AKIRIN2: variants seen among roughly 807,000 people sequenced by gnomAD.
The protein encoded by AKIRIN2 is akirin-2.
In AKIRIN2, 6 loss-of-function variants were observed where a neutral mutation model predicts 29.3. The observed-to-expected ratio is 0.20, with a 90% CI of 0.11 to 0.40. The LOEUF (loss-of-function observed/expected upper bound fraction) is 0.40, where lower values mean the gene tolerates loss of function less well. AKIRIN2 is among the 10% of genes least tolerant of loss of function. The pLI is 1.00. For missense variants in AKIRIN2, 210 were observed against 276.1 expected, an observed-to-expected ratio of 0.76 and a Z score of 1.70; for synonymous variants, 128 against 117.5, an observed-to-expected ratio of 1.09 and a Z score of -0.58.
intron 1 of AKIRIN2, among the ~76,000 whole-genome samples, chr6:87,701,180 A>G (rs1013605751): frequency 1.3e-5 from 2 of 151,926 alleles, no homozygotes; most frequent in Non-Finnish European, 2.9e-5. Context: ...CGGCCCAAAG[A>G]AAAAGATGTC....
intron 1 of AKIRIN2, among the ~76,000 whole-genome samples, chr6:87,683,887 G>C (rs2128301491): frequency 6.6e-6 from 1 of 152,186 alleles, no homozygotes; most frequent in Admixed American, 6.5e-5. Flanking sequence ...CTTGACCTCA[G>C]GTGTTCCACC....
intron 1 of AKIRIN2, among the ~76,000 whole-genome samples, chr6:87,698,899 T>C (rs1771413260): frequency 2.0e-5 from 3 of 152,182 alleles, no homozygotes; most frequent in South Asian, 4.1e-4. Flanking sequence ...ACTTCAGCTA[T>C]GCCATCAGAA....
At position 87,701,748 on chromosome 6, in the gene AKIRIN2, T is replaced by A; in HGVS notation, c.-64A>T. ...GGGGACGGGTGACGAAAGAAGAGGG[T>A]GAGGGAAGGGGTGAAGAGCGGGAAC... On this transcript the variant is annotated 5_prime_UTR_variant, in exon 1 of 5. Transcript: ENST00000257787. 3 of 1,204,366 alleles carry A rather than the reference T, an allele frequency of 2.5e-6. No individual in the cohort carries two copies. The highest frequency in any genetic ancestry group is 3.3e-6 in the Non-Finnish European group (3 of 909,298). 74.6% of individuals were successfully genotyped at this position (1,204,366 alleles called of 1,614,324 possible). A position where few individuals can be genotyped will look rare whatever the true frequency, so the allele number is the denominator to read the frequency against.
intron 1 of AKIRIN2, among the ~76,000 whole-genome samples, chr6:87,694,206 G>A (rs1443479818): frequency 6.6e-6 from 1 of 152,120 alleles, no homozygotes; most frequent in Non-Finnish European, 1.5e-5. Context: ...ACCAAAGTGA[G>A]AATACACATC....
intron 2 of AKIRIN2, among the ~76,000 whole-genome samples, chr6:87,680,817 C>A (rs1326082772): frequency 1.4e-5 from 2 of 144,408 alleles, no homozygotes; most frequent in African/African-American, 2.6e-5. Context: ...GCAAACATTC[C>A]CCCCAACAAA....
chr6:87,691,561 G>A (rs923226999), intron 1 of AKIRIN2, among the ~76,000 whole-genome samples: 4 of 152,076 alleles, frequency 2.6e-5, no homozygotes, highest in African/African-American at 9.7e-5. Flanking sequence ...CTGAAGTCAG[G>A]AGCAGGCATG....
chr6:87,684,298 G>A (rs1246304718), intron 1 of AKIRIN2, among the ~76,000 whole-genome samples: 1 of 151,826 alleles, frequency 6.6e-6, no homozygotes, highest in Non-Finnish European at 1.5e-5. Context: ...ATTAAGAAAC[G>A]GTAAAACTTT....
At chr6:87,684,321 C>T (rs967538446) in intron 1 of AKIRIN2, among the ~76,000 whole-genome samples, 10 of 152,120 alleles carry the variant, frequency 6.6e-5, no homozygotes, top group African/African-American at 2.4e-4. Context: ...AAAATTTTAT[C>T]TTTGTAAAAC....
intron 1 of AKIRIN2, among the ~76,000 whole-genome samples, chr6:87,688,952 A>G (rs758266772): frequency 2.0e-5 from 3 of 152,236 alleles, no homozygotes; most frequent in Non-Finnish European, 4.4e-5. Context: ...TTTACTTCAA[A>G]TAAGTAGCAC....
At chr6:87,692,582 T>C (rs970386619) in intron 1 of AKIRIN2, among the ~76,000 whole-genome samples, 1 of 151,972 alleles carries the variant, frequency 6.6e-6, no homozygotes, top group Non-Finnish European at 1.5e-5. Context: ...GAGACAGAGG[T>C]GGGCAGATCA....
intron 1 of AKIRIN2, among the ~76,000 whole-genome samples, chr6:87,695,404 A>T (rs1482387614): frequency 6.6e-6 from 1 of 152,178 alleles, no homozygotes; most frequent in Non-Finnish European, 1.5e-5. Context: ...ATTTTTTTCC[A>T]ACCATAGCAA....
chr6:87,677,705 C>T, intron 3 of AKIRIN2, 113 bp downstream of exon 3: 3 of 1,291,816 alleles, frequency 2.3e-6, no homozygotes, highest in Non-Finnish European at 3.2e-6. Context: ...GAAATTTTCT[C>T]ATTCTCAGAG....
At chr6:87,688,822 T>C (rs563803835) in intron 1 of AKIRIN2, among the ~76,000 whole-genome samples, 118 of 152,298 alleles carry the variant, frequency 7.7e-4, no homozygotes, top group African/African-American at 2.8e-3. Context: ...AAACCCAACA[T>C]GTGCATGCTA....
intron 1 of AKIRIN2, among the ~76,000 whole-genome samples, chr6:87,691,470 A>C (rs1483636211): frequency 6.9e-6 from 1 of 144,686 alleles, no homozygotes; most frequent in African/African-American, 2.5e-5. Flanking sequence ...AAAAAAGTCC[A>C]CATTTCCCAT....
intron 2 of AKIRIN2, among the ~76,000 whole-genome samples, chr6:87,679,312 C>T (rs1035500789): frequency 1.3e-5 from 2 of 151,994 alleles, no homozygotes; most frequent in Non-Finnish European, 2.9e-5. Flanking sequence ...GCAGGTGGAA[C>T]CCTTGAGCTA....
At chr6:87,695,765 A>G (rs916105481) in intron 1 of AKIRIN2, among the ~76,000 whole-genome samples, 2 of 152,208 alleles carry the variant, frequency 1.3e-5, no homozygotes, top group African/African-American at 4.8e-5. Context: ...TAAAGAGAAA[A>G]ATCTCTTTTC....
intron 1 of AKIRIN2, chr6:87,700,805 T>C (rs1428818727): frequency 6.5e-6 from 1 of 154,800 alleles, no homozygotes; most frequent in African/African-American, 2.4e-5. Flanking sequence ...TGTGATCATA[T>C]TACAGTACTC....
At chr6:87,696,003 A>G (rs1771353958) in intron 1 of AKIRIN2, among the ~76,000 whole-genome samples, 1 of 151,664 alleles carries the variant, frequency 6.6e-6, no homozygotes. Flanking sequence ...ACATGGTGAA[A>G]CCCCATCTCT....
Position 87,689,587 on chromosome 6 carries a change from T to G in AKIRIN2, c.236-7824A>C, listed in dbSNP as rs1027629748. Among the ~76,000 whole-genome samples the G allele has an allele frequency of 2.0e-5, 3 of 152,178 alleles. No individual in the cohort carries two copies. The South Asian group carries it at 6.2e-4, about 32-fold the overall frequency. On this transcript the variant is annotated intron_variant, in intron 1 of 4. Coordinates refer to ENST00000257787, the MANE Select transcript of AKIRIN2 (RefSeq NM_018064.4). Reference sequence around the variant, plus strand: ...AAAAACATGTTAATTTGTGGCCATTTAAAAACTGGGTGGTTTTACACATAA... The same window carrying G: ...AAAAACATGTTAATTTGTGGCCATTGAAAAACTGGGTGGTTTTACACATAA...
Sources: allele counts gnomAD v4.1 joint callset (sites outside exome capture counted in the v4.1 genomes callset), GRCh38; gene constraint gnomAD v4.1.1; transcripts MANE v1.5; gene names NCBI Gene and HGNC (gene_info 2026-07-23, HGNC 2026-07-21).